Variants in CD200R1 observed in about 807,000 individuals in gnomAD.
CD200R1 encodes the protein cell surface glycoprotein CD200 receptor 1.
In CD200R1, 30 loss-of-function variants were observed where a neutral mutation model predicts 38.1. The observed-to-expected ratio is 0.79, with a 90% confidence interval of 0.59 to 1.07. The LOEUF is 1.07. CD200R1 is among the 50% of genes least tolerant of loss of function. The probability of loss-of-function intolerance (pLI) is 0.00; values close to 1 mark genes in which losing one functional copy is unlikely to be tolerated. For missense variants in CD200R1, 372 were observed against 415.4 expected (o/e 0.90, Z 0.91); for synonymous variants, 128 against 152.1 (o/e 0.84, Z 1.16).
At chr3:112,973,423 A>G (rs925020041) in intron 1 of CD200R1, among the ~76,000 whole-genome samples, 15 of 152,206 alleles carry the variant, frequency 9.9e-5, no homozygotes, top group Non-Finnish European at 2.1e-4. Context: ...AGTGGTGCTT[A>G]CTGATGTATA....
At position 112,925,102 on chromosome 3, in the gene CD200R1, C is replaced by G. The variant is rs770956028; in HGVS notation, c.861G>C (p.Leu287Phe). The change falls in exon 6 of 8, where the codon TTG becomes TTC. Residue 287 changes from leucine (L) to phenylalanine (F), a missense_variant. Physicochemically the swap from Leu to Phe is conservative, Grantham distance 22. Transcript: ENST00000308611. ...ILTIVGFIWL[L>F]KVNGCRKYKL... ...GTCAATACCTGCAGCCATTGACTTT[C>G]AACAACCAAATGAATCCCACGATGG... 1.3e-6 allele frequency: 2 copies of G among 1,589,946 alleles called. No homozygotes were observed. Among genetic ancestry groups the G allele is most frequent in the Admixed American group, 3.4e-5 (2 of 59,626 alleles).
intron 2 of CD200R1, among the ~76,000 whole-genome samples, chr3:112,946,736 C>T (rs1431266508): frequency 6.6e-6 from 1 of 152,168 alleles, no homozygotes; most frequent in Non-Finnish European, 1.5e-5. Context: ...CAGTTTCTTA[C>T]AAAACTAAGC....
chr3:112,937,509 G>A (rs555015711), intron 2 of CD200R1, among the ~76,000 whole-genome samples: 9 of 152,176 alleles, frequency 5.9e-5, no homozygotes, highest in Middle Eastern at 3.4e-3. Context: ...GTAGGTGTGC[G>A]GTGTTATTTC....
chr3:112,944,627 A>T (rs1056158872), intron 2 of CD200R1, among the ~76,000 whole-genome samples: 2 of 152,036 alleles, frequency 1.3e-5, no homozygotes, highest in African/African-American at 4.8e-5. Context: ...TCACCACTGG[A>T]ATTTCTAACT....
rs187518179 is a variant in CD200R1 at position 112,940,002 on chromosome 3, C to T, written c.136+7854G>A. Reference sequence around the variant, plus strand: ...AGAAAAATGGAACAGCATAGAGAACCCAGAAATTAGTCCACATATATACAG... The same window carrying T: ...AGAAAAATGGAACAGCATAGAGAACTCAGAAATTAGTCCACATATATACAG... On this transcript the variant is annotated intron_variant, in intron 2 of 7. Coordinates refer to ENST00000308611, the MANE Select transcript of CD200R1 (RefSeq NM_138806.4). Among the ~76,000 whole-genome samples the T allele has an allele frequency of 1.4e-4, 21 of 151,878 alleles. No individual in the cohort carries two copies. The East Asian group carries it at 4.1e-3, about 29-fold the overall frequency.
chr3:112,936,951 T>C (rs1332796766), intron 2 of CD200R1, among the ~76,000 whole-genome samples: 1 of 152,216 alleles, frequency 6.6e-6, no homozygotes, highest in Non-Finnish European at 1.5e-5. Context: ...GGTTTTACGT[T>C]TAAGTCTTTA....
chr3:112,946,827 C>T (rs1409417099), intron 2 of CD200R1, among the ~76,000 whole-genome samples: 1 of 152,066 alleles, frequency 6.6e-6, no homozygotes, highest in Non-Finnish European at 1.5e-5. Context: ...TACAAAAACC[C>T]GTGCATGGGT....
At chr3:112,936,273 T>C (rs75868063) in intron 2 of CD200R1, among the ~76,000 whole-genome samples, 2 of 152,190 alleles carry the variant, frequency 1.3e-5, no homozygotes, top group Non-Finnish European at 2.9e-5. Context: ...TACACGTGCA[T>C]GTATCCTTAA....
chr3:112,936,262 A>G (rs112322776), intron 2 of CD200R1, among the ~76,000 whole-genome samples: 1 of 152,198 alleles, frequency 6.6e-6, no homozygotes, highest in Non-Finnish European at 1.5e-5. Flanking sequence ...TGCAATGAAC[A>G]TACACGTGCA....
At chr3:112,953,495 C>T (rs910755634) in intron 1 of CD200R1, among the ~76,000 whole-genome samples, 21 of 152,132 alleles carry the variant, frequency 1.4e-4, no homozygotes, top group Admixed American at 2.6e-4. Flanking sequence ...ATTCCTTCGT[C>T]TTCAATTTTT....
intron 2 of CD200R1, among the ~76,000 whole-genome samples, chr3:112,944,019 C>T (rs925615747): frequency 4.0e-5 from 6 of 151,840 alleles, no homozygotes; most frequent in African/African-American, 9.7e-5. Flanking sequence ...TCAGGACACA[C>T]AGTACGAGGC....
intron 1 of CD200R1, among the ~76,000 whole-genome samples, chr3:112,954,463 G>T (rs532729381): frequency 6.6e-6 from 1 of 152,232 alleles, no homozygotes; most frequent in South Asian, 2.1e-4. Context: ...CTCATTAGTT[G>T]ACTGGTGGTT....
chr3:112,946,214 C>T (rs1940856670), intron 2 of CD200R1, among the ~76,000 whole-genome samples: 1 of 152,084 alleles, frequency 6.6e-6, no homozygotes, highest in Non-Finnish European at 1.5e-5. Context: ...TTTTTTAAAT[C>T]GTCTCTAGAT....
chr3:112,954,801 A>G (rs769291162), intron 1 of CD200R1, among the ~76,000 whole-genome samples: 1 of 152,198 alleles, frequency 6.6e-6, no homozygotes, highest in Non-Finnish European at 1.5e-5. Context: ...ATCTTTCATA[A>G]TAAACTAGTA....
chr3:112,967,210 T>A (rs374946198), intron 1 of CD200R1, among the ~76,000 whole-genome samples: 1 of 152,248 alleles, frequency 6.6e-6, no homozygotes, highest in East Asian at 1.9e-4. Context: ...TCTTTACACT[T>A]TCTCTCCTCT....
At chr3:112,951,583 C>T (rs1444847531) in intron 1 of CD200R1, among the ~76,000 whole-genome samples, 1 of 151,684 alleles carries the variant, frequency 6.6e-6, no homozygotes, top group Non-Finnish European at 1.5e-5. Context: ...TCAAATCTTG[C>T]ACTATGTAAG....
Position 112,925,177 on chromosome 3 carries a change from T to G in CD200R1, c.786A>C (p.Lys262Asn). The G allele has an allele frequency of 6.3e-7, 1 of 1,581,686 alleles. No homozygotes were observed. The highest frequency in any genetic ancestry group is 8.7e-7 in the Non-Finnish European group (1 of 1,153,058). The change falls in exon 6 of 8, where the codon AAA (lysine) becomes AAC (asparagine). Residue 262 changes from lysine to asparagine, a missense_variant. Transcript: ENST00000308611. ...IELLPVPGAK[K>N]SAKLYIPYII... The stretch of plus-strand genomic sequence containing the variant: ...TATATGGAATATATAATTTTGCTGA[T>G]TTTTTGGCACCTGGAACTATAGACA...
chr3:112,957,636 A>T (rs1941131378), intron 1 of CD200R1, among the ~76,000 whole-genome samples: 1 of 152,224 alleles, frequency 6.6e-6, no homozygotes, highest in Admixed American at 6.5e-5. Context: ...AAATCTGATA[A>T]ATTGGACATT....
intron 1 of CD200R1, among the ~76,000 whole-genome samples, chr3:112,948,568 C>T (rs1940913110): frequency 6.6e-6 from 1 of 152,168 alleles, no homozygotes; most frequent in African/African-American, 2.4e-5. Context: ...CTCCTGTGAG[C>T]ATCTAATGCC....
Sources: gnomAD v4.1 joint callset for allele counts (sites outside exome capture counted in the v4.1 genomes callset) on GRCh38, gnomAD v4.1.1 for gene constraint, MANE v1.5 for transcripts, NCBI Gene and HGNC (gene_info 2026-07-23, HGNC 2026-07-21) for gene names.